The following PDE8B variants were observed in gnomAD, a reference collection of about 807,000 sequenced individuals.
PDE8B encodes the protein phosphodiesterase 8B, also known as high affinity cAMP-specific and IBMX-insensitive 3',5'-cyclic phosphodiesterase 8B.
PDE8B carries 26 observed loss-of-function variants against 101.3 expected under a neutral mutation model. The observed-to-expected ratio is 0.26, with a 90% CI of 0.19 to 0.36. The LOEUF is 0.36. Ranked by LOEUF, PDE8B falls within the 10% of genes least tolerant of loss-of-function variation. PDE8B has a pLI of 1.00. For synonymous variants in PDE8B, 424 were observed against 429.3 expected, an observed-to-expected ratio of 0.99 and a Z score of 0.15; for missense variants, 810 against 1,163.1, an observed-to-expected ratio of 0.70 and a Z score of 4.42.
intron 10 of PDE8B, among the ~76,000 whole-genome samples, chr5:77,364,530 G>A (rs1177576471): frequency 6.6e-6 from 1 of 152,202 alleles, no homozygotes; most frequent in Admixed American, 6.5e-5. Flanking sequence ...TCTCACCCTG[G>A]TTTGCTGAAG....
intron 1 of PDE8B, among the ~76,000 whole-genome samples, chr5:77,248,327 G>A (rs1757379379): frequency 6.6e-6 from 1 of 152,186 alleles, no homozygotes; most frequent in South Asian, 2.1e-4. Flanking sequence ...TTGTTGCCAA[G>A]GTGCGGATGA....
intron 1 of PDE8B, among the ~76,000 whole-genome samples, chr5:77,215,673 C>G (rs1383493322): frequency 1.3e-5 from 2 of 152,178 alleles, no homozygotes; most frequent in African/African-American, 4.8e-5. Context: ...GCCAGCAGGA[C>G]AGAATATGCT....
chr5:77,291,479 T>G lies in PDE8B; in HGVS notation c.340-20515T>G. Reference sequence around the variant, plus strand: ...CACACACAGAGACTTTTGCTCCGATTCTGTATGTCTTTAAATTCAAGAATG... The same window carrying G: ...CACACACAGAGACTTTTGCTCCGATGCTGTATGTCTTTAAATTCAAGAATG... On this transcript the variant is annotated intron_variant, in intron 1 of 21. Transcript: ENST00000264917. 5 of 1,610,640 alleles carry G rather than the reference T, an allele frequency of 3.1e-6. No individual in the cohort carries two copies. In the South Asian group the frequency reaches 5.5e-5, roughly 18 times the overall value.
intron 1 of PDE8B, among the ~76,000 whole-genome samples, chr5:77,298,142 G>C (rs1160135131): frequency 1.3e-5 from 2 of 152,082 alleles, no homozygotes; most frequent in African/African-American, 4.8e-5. Context: ...TCCCCTCAGG[G>C]GCCCTGCCAC....
chr5:77,239,511 C>A (rs1189094412), intron 1 of PDE8B, among the ~76,000 whole-genome samples: 2 of 152,170 alleles, frequency 1.3e-5, no homozygotes, highest in Non-Finnish European at 1.5e-5. Flanking sequence ...TTTTCAAGTT[C>A]CCTGGGGCTA....
At chr5:77,382,625 TC>T (rs1787718652) in intron 10 of PDE8B, among the ~76,000 whole-genome samples, 1 of 152,054 alleles carries the variant, frequency 6.6e-6, no homozygotes, top group Admixed American at 6.5e-5. Context: ...TGTGTGATGT[TC>T]CCCTCACTGT....
At chr5:77,317,103 A>G (rs1773925068) in intron 2 of PDE8B, among the ~76,000 whole-genome samples, 2 of 152,110 alleles carry the variant, frequency 1.3e-5, no homozygotes, top group Non-Finnish European at 2.9e-5. Flanking sequence ...GAGAGAAGGC[A>G]CCATGTTCCC....
chr5:77,180,392 G>A, the PDE8B span: 1 of 971,764 alleles, frequency 1.0e-6, no homozygotes, highest in Non-Finnish European at 1.2e-6. Flanking sequence ...CCCTCTGTGC[G>A]GGGCTAAGGC....
In PDE8B at chr5:77,251,903, T is replaced by C. The variant is rs191424311; in HGVS notation, c.339+40639T>C. On this transcript the variant is annotated intron_variant, in intron 1 of 21. Transcript: ENST00000264917. Reference sequence around the variant, plus strand: ...CTTCTCATAGTTTCCAATTTCTTTCTAAAATTTAAGCCTTTGTTTTTAATG... The same window carrying C: ...CTTCTCATAGTTTCCAATTTCTTTCCAAAATTTAAGCCTTTGTTTTTAATG... 2.7e-3 allele frequency among the ~76,000 whole-genome samples: 408 copies of C among 152,382 alleles called. 2 individuals are homozygous for C. The highest frequency in any genetic ancestry group is 7.6e-3 in the African/African-American group (316 of 41,594).
chr5:77,128,376 G>A, the PDE8B span, among the ~76,000 whole-genome samples: 3 of 152,206 alleles, frequency 2.0e-5, no homozygotes, highest in Non-Finnish European at 4.4e-5. Flanking sequence ...TCTCCCAAGG[G>A]CTGGCTGATG....
chr5:77,348,904 A>G (rs578125487), intron 7 of PDE8B, among the ~76,000 whole-genome samples: 2 of 151,042 alleles, frequency 1.3e-5, no homozygotes, highest in South Asian at 4.2e-4. Context: ...CTGGTCTTGA[A>G]CTCTTGGGCC....
chr5:77,200,490 G>A, the PDE8B span, among the ~76,000 whole-genome samples: 4 of 152,152 alleles, frequency 2.6e-5, no homozygotes, highest in African/African-American at 9.7e-5. Flanking sequence ...TGTGAGGCTT[G>A]CAGACATCCT....
At chr5:77,179,633 G>A in the PDE8B span, among the ~76,000 whole-genome samples, 1 of 152,200 alleles carries the variant, frequency 6.6e-6, no homozygotes, top group African/African-American at 2.4e-5. Flanking sequence ...GGTGGGGGGC[G>A]GCTCTAGAAG....
At chr5:77,095,514 T>C in the PDE8B span, among the ~76,000 whole-genome samples, 1 of 152,224 alleles carries the variant, frequency 6.6e-6, no homozygotes. Flanking sequence ...GTAGAAACTT[T>C]GCTCAACTAA....
At chr5:77,290,833 G>A in intron 1 of PDE8B, 1 of 1,523,110 alleles carries the variant, frequency 6.6e-7, no homozygotes, top group Non-Finnish European at 9.1e-7. Flanking sequence ...GTCTGCCTCT[G>A]GAAAGGAGCT....
At chr5:77,177,288 A>G in the PDE8B span, among the ~76,000 whole-genome samples, 1 of 152,246 alleles carries the variant, frequency 6.6e-6, no homozygotes, top group Non-Finnish European at 1.5e-5. Flanking sequence ...GATATGTTCC[A>G]GGATTCCCAG....
intron 1 of PDE8B, chr5:77,290,397 G>T: frequency 7.2e-7 from 1 of 1,390,488 alleles, no homozygotes; most frequent in Non-Finnish European, 1.0e-6. Context: ...CTGTTGCTCT[G>T]CTAACAACTA....
intron 1 of PDE8B, among the ~76,000 whole-genome samples, chr5:77,271,972 T>G (rs1487067779): frequency 6.6e-6 from 1 of 152,214 alleles, no homozygotes; most frequent in Non-Finnish European, 1.5e-5. Flanking sequence ...CAGTACCACC[T>G]GGGAGCCCAT....
At chr5:77,098,163 TTG>T in the PDE8B span, among the ~76,000 whole-genome samples, 1 of 152,140 alleles carries the variant, frequency 6.6e-6, no homozygotes, top group Non-Finnish European at 1.5e-5. Context: ...CTATAAATGA[TTG>T]TGTGTCTTTC....
Sources: gnomAD v4.1 joint callset for allele counts (sites outside exome capture counted in the v4.1 genomes callset) on GRCh38, gnomAD v4.1.1 for gene constraint, MANE v1.5 for transcripts, NCBI Gene and HGNC (gene_info 2026-07-23, HGNC 2026-07-21) for gene names.